Variants in RARB observed in about 807,000 individuals in gnomAD.
RARB encodes the protein HBV-activated protein.
A neutral mutation model predicts 51.9 loss-of-function variants in RARB; 17 were observed. That is an observed-to-expected ratio of 0.33 (90% confidence interval 0.22 to 0.49). The LOEUF (loss-of-function observed/expected upper bound fraction) is 0.49, where lower values mean the gene tolerates loss of function less well. Ranked by LOEUF, RARB falls within the 20% of genes least tolerant of loss-of-function variation. The pLI is 0.99. For synonymous variants in RARB, 215 were observed against 195.4 expected (o/e 1.10, Z -0.84); for missense variants, 369 against 550.8 (o/e 0.67, Z 3.30).
At chr3:25,554,782 AAGGCACTGCATCT>A (rs1699990576) in intron 3 of RARB, among the ~76,000 whole-genome samples, 1 of 152,198 alleles carries the variant, frequency 6.6e-6, no homozygotes, top group Admixed American at 6.5e-5. Context: ...GTCCAAAGTC[AAGGCACTGCATCT>A]AGTCTTTTTG....
At chr3:25,561,152 G>C (rs1315848388) in intron 3 of RARB, among the ~76,000 whole-genome samples, 2 of 152,056 alleles carry the variant, frequency 1.3e-5, no homozygotes, top group African/African-American at 2.4e-5. Flanking sequence ...CCTTCCATTT[G>C]TCCATTGTTT....
At chr3:25,300,919 C>T (rs1238070281) in intron 5 of RARB, among the ~76,000 whole-genome samples, 1 of 152,118 alleles carries the variant, frequency 6.6e-6, no homozygotes, top group African/African-American at 2.4e-5. Context: ...ATTGCTTGAA[C>T]CTGGGAAGCA....
intron 1 of RARB, among the ~76,000 whole-genome samples, chr3:25,445,380 A>G (rs1023923443): frequency 6.6e-6 from 1 of 152,176 alleles, no homozygotes; most frequent in Non-Finnish European, 1.5e-5. Flanking sequence ...AATATCAAAG[A>G]GCAGTCCGGA....
chr3:25,205,142 G>C (rs1701505381), intron 5 of RARB, among the ~76,000 whole-genome samples: 1 of 152,082 alleles, frequency 6.6e-6, no homozygotes, highest in African/African-American at 2.4e-5. Flanking sequence ...CCCTCCCCCA[G>C]CCTCTCTGCC....
In RARB at chr3:24,956,005, G is replaced by T. The variant is rs11926629; in HGVS notation, c.-380+97253G>T. ...CTAGGGAGGGAGTCTTGAAACAGTT[G>T]CACTCAGGCTGTCTTCGTCAGATTA... is the stretch of plus-strand genomic sequence containing the variant. On this transcript the variant is annotated intron_variant, in intron 2 of 11. Transcript: ENST00000383772. Among the ~76,000 whole-genome samples the T allele has an allele frequency of 3.3e-3, 504 of 152,214 alleles. 3 individuals carry two copies. The highest frequency in any genetic ancestry group is 0.011 in the African/African-American group (455 of 41,530).
In RARB at chr3:24,955,936, C is replaced by G. The variant is rs1022062155; in HGVS notation, c.-380+97184C>G. Among the ~76,000 whole-genome samples the G allele has an allele frequency of 4.6e-5, 7 of 152,234 alleles. No homozygotes were observed. The East Asian group carries it at 1.2e-3, about 25-fold the overall frequency. ...GGGATGACATCCAGTCTCCTCTTCTCTTGAGGCTGACCTGGAATCTTTCTT... is the reference window on the plus strand; with the variant it reads ...GGGATGACATCCAGTCTCCTCTTCTGTTGAGGCTGACCTGGAATCTTTCTT... On this transcript the variant is annotated intron_variant, in intron 2 of 11. Coordinates refer to the RARB transcript ENST00000383772.
chr3:24,864,808 C>A lies in RARB; in HGVS notation c.-380+6056C>A, dbSNP rs143250925. ...TCTTTTACAAAAAAGTTTTGCCAAC[C>A]TTTATCCCAGAACATCAAAAGCATT... On this transcript the variant is annotated intron_variant, in intron 2 of 11. Transcript: ENST00000383772. Among the ~76,000 whole-genome samples the A allele has an allele frequency of 5.3e-5, 8 of 152,272 alleles. No homozygotes were observed. In the East Asian group the frequency reaches 1.5e-3, roughly 29 times the overall value.
intron 5 of RARB, among the ~76,000 whole-genome samples, chr3:25,298,807 A>T (rs78525119): frequency 6.6e-6 from 1 of 152,144 alleles, no homozygotes; most frequent in East Asian, 1.9e-4. Context: ...ATTCATGGAC[A>T]TGGAGGCTTA....
intron 4 of RARB, among the ~76,000 whole-genome samples, chr3:25,575,691 T>A (rs567097864): frequency 2.6e-5 from 4 of 152,336 alleles, no homozygotes; most frequent in East Asian, 3.9e-4. Context: ...CATTTTTTTT[T>A]ATAAGGGCAC....
intron 2 of RARB, among the ~76,000 whole-genome samples, chr3:24,862,736 G>A (rs1192472329): frequency 6.6e-6 from 1 of 152,148 alleles, no homozygotes; most frequent in East Asian, 1.9e-4. Context: ...TAAGGAGGGG[G>A]CTACTCTACT....
At chr3:25,367,817 C>CAA (rs369165017) in intron 5 of RARB, among the ~76,000 whole-genome samples, 1,881 of 125,442 alleles carry the variant, frequency 0.015, 62 homozygotes, top group African/African-American at 0.047. Context: ...AAAAAACAAG[C>CAA]AAAAAAAAAA....
intron 3 of RARB, among the ~76,000 whole-genome samples, chr3:25,100,426 C>T (rs974339834): frequency 5.9e-5 from 9 of 152,120 alleles, no homozygotes; most frequent in South Asian, 4.1e-4. Flanking sequence ...CTAGGGTGTG[C>T]TTACATTTAA....
chr3:25,453,179 A>G (rs892934383), intron 1 of RARB, among the ~76,000 whole-genome samples: 4 of 150,802 alleles, frequency 2.7e-5, no homozygotes, highest in Non-Finnish European at 5.9e-5. Context: ...CGTAAAAATG[A>G]TCAAGGGGTC....
intron 5 of RARB, among the ~76,000 whole-genome samples, chr3:25,256,199 T>C (rs781527082): frequency 2.6e-5 from 4 of 152,164 alleles, no homozygotes; most frequent in Non-Finnish European, 5.9e-5. Context: ...CATTGCACTG[T>C]TATAGAAGCA....
intron 2 of RARB, among the ~76,000 whole-genome samples, chr3:24,880,428 A>C (rs564630811): frequency 9.5e-4 from 145 of 152,274 alleles, no homozygotes; most frequent in Middle Eastern, 3.4e-3. Flanking sequence ...AAAATAATAA[A>C]GCTTATAACC....
chr3:24,866,312 C>A (rs1559376208), intron 2 of RARB, among the ~76,000 whole-genome samples: 1 of 152,082 alleles, frequency 6.6e-6, no homozygotes, highest in African/African-American at 2.4e-5. Context: ...TCCTCAAGCC[C>A]ACACCTCAAA....
chr3:24,907,583 T>C (rs1325205264), intron 2 of RARB, among the ~76,000 whole-genome samples: 1 of 152,156 alleles, frequency 6.6e-6, no homozygotes, highest in Non-Finnish European at 1.5e-5. Context: ...AGTGGAAGTA[T>C]GGTTAGTATG....
chr3:25,253,322 A>G (rs957526482), intron 5 of RARB, among the ~76,000 whole-genome samples: 2 of 152,176 alleles, frequency 1.3e-5, no homozygotes, highest in African/African-American at 2.4e-5. Context: ...GAATAGTTTT[A>G]CATAACCAGC....
rs1221687540 is a variant in RARB, at chr3:25,498,095, A to T, written c.307-3087A>T. Among the ~76,000 whole-genome samples, 7 of 152,236 alleles carry T rather than the reference A, an allele frequency of 4.6e-5. No homozygotes were observed. The East Asian group carries it at 1.4e-3, about 29-fold the overall frequency. ...GACATCTGATTATTGTATTATTTGC[A>T]TTTCTCTTATTTCATGAGTACCTTC... On this transcript the variant is annotated intron_variant, in intron 2 of 7. Transcript: ENST00000330688.
Sources: allele counts gnomAD v4.1 joint callset (sites outside exome capture counted in the v4.1 genomes callset), GRCh38; gene constraint gnomAD v4.1.1; transcripts MANE v1.5; gene names NCBI Gene and HGNC (gene_info 2026-07-23, HGNC 2026-07-21).